Variants in TMEM54 observed in about 807,000 individuals in gnomAD.
The protein encoded by TMEM54 is transmembrane protein 54, also known as beta-casein-like protein.
TMEM54 carries 21 observed loss-of-function variants against 21.3 expected under a neutral mutation model. The ratio of observed to expected loss-of-function variants is 0.99; its 90% CI spans 0.70 to 1.42. TMEM54 has a LOEUF of 1.42. Among genes scored for constraint, TMEM54 ranks in the 40% most tolerant of loss-of-function variants. TMEM54 has a pLI of 0.00. For missense variants in TMEM54, 246 were observed against 294.0 expected (o/e 0.84, Z 1.19); for synonymous variants, 109 against 125.0 (o/e 0.87, Z 0.86).
At chr1:32,898,389 C>G in intron 1 of TMEM54, 70 bp from the exon 2 acceptor site, 1 of 1,453,088 alleles carries the variant, frequency 6.9e-7, no homozygotes, top group Non-Finnish European at 9.4e-7. Context: ...AAGCTGAGGC[C>G]CTGGCCCTAG....
At position 32,895,330 on chromosome 1, in the gene TMEM54, C is replaced by T. The variant is rs765563498; in HGVS notation, c.569G>A (p.Trp190Ter). The T allele has an allele frequency of 1.2e-6, 2 of 1,613,212 alleles. No homozygotes were observed. The highest frequency in any genetic ancestry group is 1.3e-5 in the African/African-American group (1 of 75,034). ...CATGTGGTGGCTGCTTTTCCCCCAC[C>T]AGGGCCTCAGCTCCAGCAGCTGGTG... ...LTHQLLELRP[W>*]WGKSSHHMMR... Residue 190 changes from tryptophan (W) to a stop codon, truncating the protein, a stop_gained, in exon 5 of 6, where the codon TGG becomes TAG. Coordinates refer to ENST00000373463, the MANE Select transcript of TMEM54 (RefSeq NM_033504.4). LOFTEE classifies it high-confidence loss of function. The surrounding 1 kb of genome is among the most constrained non-coding windows in gnomAD (Gnocchi z 5.8).
rs1314788956 is a variant in TMEM54, at chr1:32,901,206, C to T, written c.16+17G>A. 2 of 1,485,548 alleles carry T rather than the reference C, an allele frequency of 1.3e-6. No homozygotes were observed. The highest frequency in any genetic ancestry group is 1.8e-6 in the Non-Finnish European group (2 of 1,104,330). The allele number at this position is 1,485,548 out of a possible 1,614,324, so 92.0% of individuals were successfully genotyped here. On this transcript the variant is annotated intron_variant, in intron 1 of 5. Coordinates refer to ENST00000373463, the MANE Select transcript of TMEM54 (RefSeq NM_033504.4). This position sits in a 1 kb window ranked among gnomAD's most constrained non-coding sequence, Gnocchi z 4.2. ...TTGGGGTGGTTCGGGGCCTCCCGCG[C>T]GCCCCCAGTCGCTCACCGAGGCGCA... is the stretch of plus-strand genomic sequence containing the variant.
rs12726526 is a variant in TMEM54 at position 32,901,310 on chromosome 1, C to A, written c.-72G>T. The A allele has an allele frequency of 8.1e-7, 1 of 1,234,088 alleles. No individual in the cohort carries two copies. Among genetic ancestry groups the A allele is most frequent in the Non-Finnish European group, 1.0e-6 (1 of 982,680 alleles). The allele number at this position is 1,234,088 out of a possible 1,614,324, so 76.4% of individuals were successfully genotyped here. ...GGCTGCGGGCCGCCGGGGGACCCTGCTCCCATCCCGCTGGCCCGTCGCCCG... is the reference window on the plus strand; with the variant it reads ...GGCTGCGGGCCGCCGGGGGACCCTGATCCCATCCCGCTGGCCCGTCGCCCG... On this transcript the variant is annotated 5_prime_UTR_variant, in exon 1 of 6. Transcript: ENST00000373463. The surrounding 1 kb of genome is among the most constrained non-coding windows in gnomAD (Gnocchi z 4.2).
intron 1 of TMEM54, among the ~76,000 whole-genome samples, chr1:32,900,816 G>A (rs764838550): frequency 1.3e-5 from 2 of 152,232 alleles, no homozygotes; most frequent in Admixed American, 1.3e-4. Context: ...GGCCTCGGGA[G>A]AGTGGAGAGT....
At position 32,895,776 on chromosome 1, in the gene TMEM54, C is replaced by G. The variant is rs766138083; in HGVS notation, c.271-33G>C. ...GGGGAGGCCACTGGTCAATGGGCGT[C>G]GTGCTTGGCCCCCATGGGCAGCTCT... On this transcript the variant is annotated intron_variant, in intron 3 of 5. Coordinates refer to ENST00000373463, the MANE Select transcript of TMEM54 (RefSeq NM_033504.4). This position sits in a 1 kb window ranked among gnomAD's most constrained non-coding sequence, Gnocchi z 5.8. The G allele has an allele frequency of 7.1e-6, 11 of 1,547,762 alleles. No individual in the cohort carries two copies. Among genetic ancestry groups the G allele is most frequent in the Non-Finnish European group, 9.6e-6 (11 of 1,145,348 alleles).
chr1:32,894,712 TCTCA>T lies in TMEM54; in HGVS notation c.*89_*92del. ...GGGTCCCCGAGGGTCCATTGAGCCC[TCTCA>T]GGCCAGCTCCAGGAATCCTGGCCTG... On this transcript the variant is annotated 3_prime_UTR_variant, in exon 6 of 6. Transcript: ENST00000373463. 6.5e-7 allele frequency: 1 copy of T among 1,549,350 alleles called. No homozygotes were observed. The highest frequency in any genetic ancestry group is 8.8e-7 in the Non-Finnish European group (1 of 1,135,166).
chr1:32,899,161 C>G (rs969108776), intron 1 of TMEM54, among the ~76,000 whole-genome samples: 10 of 152,098 alleles, frequency 6.6e-5, no homozygotes, highest in Admixed American at 4.6e-4. Context: ...GAAATCTGCC[C>G]ATAAGTCCTA....
chr1:32,894,756 T>C lies in TMEM54; in HGVS notation c.*49A>G, dbSNP rs376776443. The C allele has an allele frequency of 4.4e-5, 70 of 1,585,536 alleles. No individual in the cohort carries two copies. The highest frequency in any genetic ancestry group is 5.7e-5 in the Non-Finnish European group (66 of 1,156,970). On this transcript the variant is annotated 3_prime_UTR_variant, in exon 6 of 6. Transcript: ENST00000373463. ...ATCCTGGCCTGGTCACAGAGCAGAG[T>C]TGCTTGCAGGGTCCTAGTGGCCATC...
intron 1 of TMEM54, 94 bp from the exon 2 acceptor site, chr1:32,898,413 G>T: frequency 1.7e-6 from 2 of 1,201,726 alleles, no homozygotes; most frequent in South Asian, 1.7e-5. Context: ...TGGACATTGG[G>T]TTCTAAATGT....
rs1294563518 is a variant in TMEM54 at position 32,894,865 on chromosome 1, T to G, written c.609A>C (p.Pro203=). 1 of 1,610,980 alleles carries G rather than the reference T, an allele frequency of 6.2e-7. No individual in the cohort carries two copies. Among genetic ancestry groups the G allele is most frequent in the African/African-American group, 1.3e-5 (1 of 74,866 alleles). The stretch of plus-strand genomic sequence containing the variant: ...GCAGGTCACGGCCCTCCACCAGCTC[T>G]GGGTTCTCCCGCATCTGCAGAGACA... The part of the protein sequence containing the change: ...KSSHHMMREN[P]ELVEGRDLLS... Residue 203 remains proline, a synonymous_variant, in exon 6 of 6, where the codon CCA becomes CCC. Coordinates refer to ENST00000373463, the MANE Select transcript of TMEM54 (RefSeq NM_033504.4).
chr1:32,895,477 G>T lies in TMEM54; in HGVS notation c.460-38C>A, dbSNP rs1318320083. 1.3e-6 allele frequency: 2 copies of T among 1,599,200 alleles called. No homozygotes were observed. Among genetic ancestry groups the T allele is most frequent in the East Asian group, 2.3e-5 (1 of 44,440 alleles). On this transcript the variant is annotated intron_variant, in intron 4 of 5. Coordinates refer to ENST00000373463, the MANE Select transcript of TMEM54 (RefSeq NM_033504.4). The surrounding 1 kb of genome is among the most constrained non-coding windows in gnomAD (Gnocchi z 5.8). ...GGGCAGAGATGGCTGGCTGGAGTTGGGGGTGGAGGGTGGATTCCAAGAGCC... is the reference window on the plus strand; with the variant it reads ...GGGCAGAGATGGCTGGCTGGAGTTGTGGGTGGAGGGTGGATTCCAAGAGCC...
In TMEM54 at chr1:32,898,126, C is replaced by T. The variant is rs1197301561; in HGVS notation, c.210G>A (p.Val70=). The change falls in exon 2 of 6, where the codon GTG becomes GTA. Residue 70 remains valine, a splice_region_variant and synonymous_variant. Transcript: ENST00000373463. The part of the protein sequence containing the change: ...VNILSVTSAI[V]VITSGIAAIV... ...AACCACCCTCCCAGCCTGGCCATAC[C>T]ACGATGGCGGAAGTGACAGAGAGGA... is the stretch of plus-strand genomic sequence containing the variant. The T allele has an allele frequency of 1.3e-6, 2 of 1,591,132 alleles. No homozygotes were observed. The highest frequency in any genetic ancestry group is 2.7e-5 in the African/African-American group (2 of 74,594).
At position 32,895,192 on chromosome 1, in the gene TMEM54, T is replaced by C; in HGVS notation, c.594+113A>G. ...CCTTTGCTCCTGGGGAGAAAACTTC[T>C]GCCCCATTTCTCAAGGTGGGGGCCC... On this transcript the variant is annotated intron_variant, in intron 5 of 5. Coordinates refer to ENST00000373463, the MANE Select transcript of TMEM54 (RefSeq NM_033504.4). This position sits in a 1 kb window ranked among gnomAD's most constrained non-coding sequence, Gnocchi z 5.8. The C allele has an allele frequency of 7.1e-7, 1 of 1,408,986 alleles. No individual in the cohort carries two copies. The highest frequency in any genetic ancestry group is 9.5e-7 in the Non-Finnish European group (1 of 1,055,962). The allele number at this position is 1,408,986 out of a possible 1,614,324, so 87.3% of individuals were successfully genotyped here. A position where few individuals can be genotyped will look rare whatever the true frequency, so the allele number is the denominator to read the frequency against.
chr1:32,896,491 C>T lies in TMEM54; in HGVS notation c.211-522G>A, dbSNP rs1641602579. The stretch of plus-strand genomic sequence containing the variant: ...CCCTACCTGGGCTACCTTCCTCCCT[C>T]ACTGCTCTGGATGTGGATGCCCATA... On this transcript the variant is annotated intron_variant, in intron 2 of 5. Coordinates refer to ENST00000373463, the MANE Select transcript of TMEM54 (RefSeq NM_033504.4). The surrounding 1 kb of genome is among the most constrained non-coding windows in gnomAD (Gnocchi z 4.1). Among the ~76,000 whole-genome samples the T allele has an allele frequency of 6.6e-6, 1 of 152,264 alleles. No homozygotes were observed. The highest frequency in any genetic ancestry group is 6.5e-5 in the Admixed American group (1 of 15,290).
At chr1:32,899,008 C>T (rs535818706) in intron 1 of TMEM54, among the ~76,000 whole-genome samples, 2 of 152,290 alleles carry the variant, frequency 1.3e-5, no homozygotes, top group South Asian at 4.1e-4. Context: ...GAAAAGCAAG[C>T]TCTCAGTGCA....
chr1:32,899,747 C>T (rs569160873), intron 1 of TMEM54, among the ~76,000 whole-genome samples: 82 of 152,306 alleles, frequency 5.4e-4, no homozygotes, highest in African/African-American at 1.8e-3. Flanking sequence ...TCTGGGACAT[C>T]TGTCTGAAGC....
At chr1:32,899,405 AAAAG>A (rs1269395737) in intron 1 of TMEM54, among the ~76,000 whole-genome samples, 6 of 150,556 alleles carry the variant, frequency 4.0e-5, no homozygotes, top group Non-Finnish European at 7.4e-5. Flanking sequence ...AAAAAAAAAA[AAAAG>A]AAAAAAAGAG....
At position 32,901,256 on chromosome 1, in the gene TMEM54, C is replaced by G; in HGVS notation, c.-18G>C. 1 of 1,418,074 alleles carries G rather than the reference C, an allele frequency of 7.1e-7. No homozygotes were observed. 87.8% of individuals were successfully genotyped at this position (1,418,074 alleles called of 1,614,324 possible). ...AGACACATGTCGGCTCCGCGCTGGT[C>G]CCGCCCCCGGCTTCAGCGCGGCTCC... On this transcript the variant is annotated 5_prime_UTR_variant, in exon 1 of 6. Transcript: ENST00000373463. This position sits in a 1 kb window ranked among gnomAD's most constrained non-coding sequence, Gnocchi z 4.2.
In TMEM54 at chr1:32,895,083, A is replaced by G. The variant is rs565411544; in HGVS notation, c.595-204T>C. On this transcript the variant is annotated intron_variant, in intron 5 of 5. Transcript: ENST00000373463. This position sits in a 1 kb window ranked among gnomAD's most constrained non-coding sequence, Gnocchi z 5.8. ...CAGACACCCCTGCCCCTCCCTCAAGACTCATCCTGGGCCCTAGGAGAGCCA... is the reference window on the plus strand; with the variant it reads ...CAGACACCCCTGCCCCTCCCTCAAGGCTCATCCTGGGCCCTAGGAGAGCCA... 126 of 822,808 alleles carry G rather than the reference A, an allele frequency of 1.5e-4. No individual in the cohort carries two copies. In the African/African-American group the frequency reaches 2.3e-3, roughly 15 times the overall value. 51.0% of individuals were successfully genotyped at this position (822,808 alleles called of 1,614,324 possible). A position where few individuals can be genotyped will look rare whatever the true frequency, so the allele number is the denominator to read the frequency against.
Sources: allele counts gnomAD v4.1 joint callset (sites outside exome capture counted in the v4.1 genomes callset), GRCh38; gene constraint gnomAD v4.1.1; non-coding constraint Gnocchi (gnomAD v3.1); transcripts MANE v1.5; gene names NCBI Gene and HGNC (gene_info 2026-07-23, HGNC 2026-07-21).